CEP112: variants seen among roughly 807,000 people sequenced by gnomAD.
CEP112 encodes centrosomal protein 112.
Under a neutral mutation model 153.0 loss-of-function variants are expected in CEP112, and 127 were observed. The ratio of observed to expected loss-of-function variants is 0.83; its 90% CI spans 0.72 to 0.96. The LOEUF is 0.96. CEP112 is among the 40% of genes least tolerant of loss of function. The probability of loss-of-function intolerance (pLI) is 0.00; values close to 1 mark genes in which losing one functional copy is unlikely to be tolerated. For missense variants in CEP112, 1,089 were observed against 1,101.2 expected (o/e 0.99, Z 0.16); for synonymous variants, 358 against 374.4 (o/e 0.96, Z 0.51).
intron 4 of CEP112, among the ~76,000 whole-genome samples, chr17:66,143,775 A>G (rs2070804695): frequency 6.6e-6 from 1 of 152,232 alleles, no homozygotes; most frequent in Admixed American, 6.5e-5. Flanking sequence ...AACATAGCTC[A>G]GAGGGAAGAG....
intron 5 of CEP112, among the ~76,000 whole-genome samples, chr17:66,132,356 C>G (rs1324173676): frequency 6.6e-6 from 1 of 151,992 alleles, no homozygotes; most frequent in Admixed American, 6.6e-5. Flanking sequence ...CCAGCTTCTT[C>G]TTAATTTTAT....
chr17:66,143,852 A>G (rs964214850), intron 4 of CEP112, among the ~76,000 whole-genome samples: 2 of 152,230 alleles, frequency 1.3e-5, no homozygotes, highest in Non-Finnish European at 2.9e-5. Context: ...ACTAAGACCT[A>G]TCATGAAACG....
At chr17:65,756,263 G>A (rs934252182) in intron 21 of CEP112, among the ~76,000 whole-genome samples, 9 of 151,920 alleles carry the variant, frequency 5.9e-5, no homozygotes, top group Non-Finnish European at 1.2e-4. Flanking sequence ...AAAATTAGCT[G>A]GGCGTGGTGG....
intron 16 of CEP112, among the ~76,000 whole-genome samples, chr17:66,014,708 G>C (rs2145557653): frequency 6.6e-6 from 1 of 152,246 alleles, no homozygotes; most frequent in East Asian, 1.9e-4. Context: ...GAGACATTAG[G>C]AGCCAGGAAG....
intron 17 of CEP112, among the ~76,000 whole-genome samples, chr17:65,965,394 G>A (rs947971949): frequency 1.3e-5 from 2 of 152,004 alleles, no homozygotes; most frequent in African/African-American, 4.8e-5. Flanking sequence ...CATACTGTCT[G>A]AACTAATCTA....
At chr17:65,653,187 C>T (rs2045876218) in intron 24 of CEP112, among the ~76,000 whole-genome samples, 1 of 152,176 alleles carries the variant, frequency 6.6e-6, no homozygotes, top group Admixed American at 6.5e-5. Flanking sequence ...CATTGTATAG[C>T]AGTGTGCATA....
intron 19 of CEP112, among the ~76,000 whole-genome samples, chr17:65,905,318 G>A (rs895732913): frequency 1.3e-5 from 2 of 152,122 alleles, no homozygotes; most frequent in Non-Finnish European, 2.9e-5. Flanking sequence ...CTCAAAAAAA[G>A]CCATTTATGC....
At chr17:65,770,931 A>AAAC in intron 21 of CEP112, among the ~76,000 whole-genome samples, 2 of 149,330 alleles carry the variant, frequency 1.3e-5, no homozygotes, top group South Asian at 4.2e-4. Flanking sequence ...TCCGTCTTAA[A>AAAC]AAAAAAAAAA....
intron 21 of CEP112, among the ~76,000 whole-genome samples, chr17:65,845,702 T>C (rs2057703511): frequency 6.6e-6 from 1 of 152,228 alleles, no homozygotes; most frequent in Admixed American, 6.5e-5. Context: ...CACACTATCA[T>C]CACTTAGTAA....
intron 24 of CEP112, among the ~76,000 whole-genome samples, chr17:65,676,956 GA>G: frequency 6.6e-6 from 1 of 152,226 alleles, no homozygotes; most frequent in East Asian, 1.9e-4. Flanking sequence ...CCACCCCTTG[GA>G]TTATCAACCC....
At chr17:65,838,520 TTA>T (rs1191702604) in intron 21 of CEP112, among the ~76,000 whole-genome samples, 1 of 152,032 alleles carries the variant, frequency 6.6e-6, no homozygotes, top group Non-Finnish European at 1.5e-5. Flanking sequence ...AGAGGGAATT[TTA>T]TAACAATAAA....
At chr17:65,806,103 T>A (rs1427673399) in intron 21 of CEP112, among the ~76,000 whole-genome samples, 1 of 152,220 alleles carries the variant, frequency 6.6e-6, no homozygotes, top group African/African-American at 2.4e-5. Context: ...ATCTTTCCAG[T>A]CTCAATTAGG....
At chr17:65,676,808 T>C (rs922676592) in intron 24 of CEP112, among the ~76,000 whole-genome samples, 10 of 152,358 alleles carry the variant, frequency 6.6e-5, no homozygotes, top group African/African-American at 2.2e-4. Context: ...ATATGCTGAA[T>C]GGAGCAGTTG....
intron 24 of CEP112, among the ~76,000 whole-genome samples, chr17:65,650,746 A>T (rs973018584): frequency 6.6e-6 from 1 of 150,872 alleles, no homozygotes; most frequent in Non-Finnish European, 1.5e-5. Context: ...AAAAAAAAAA[A>T]AAAAAAAAAA....
chr17:66,086,440 G>T (rs2067938506), intron 8 of CEP112, among the ~76,000 whole-genome samples: 1 of 126,718 alleles, frequency 7.9e-6, no homozygotes, highest in Non-Finnish European at 1.6e-5. Context: ...GTCTTGTGCT[G>T]TCACCCAGGC....
At chr17:66,080,226 T>C (rs910392038) in intron 8 of CEP112, among the ~76,000 whole-genome samples, 6 of 152,034 alleles carry the variant, frequency 3.9e-5, no homozygotes, top group African/African-American at 1.4e-4. Context: ...ACAGGCAACC[T>C]ACAGAAGGGC....
intron 17 of CEP112, among the ~76,000 whole-genome samples, chr17:65,971,412 T>TGCC (rs2062794181): frequency 4.0e-5 from 2 of 49,436 alleles, no homozygotes; most frequent in African/African-American, 1.2e-4. Context: ...ATTGCACCCA[T>TGCC]GCAGCATGCT....
At chr17:66,119,029 A>G (rs1230097572) in intron 6 of CEP112, among the ~76,000 whole-genome samples, 1 of 152,168 alleles carries the variant, frequency 6.6e-6, no homozygotes, top group Non-Finnish European at 1.5e-5. Context: ...AAGAAAAAAG[A>G]TTATGTCTTT....
intron 19 of CEP112, among the ~76,000 whole-genome samples, chr17:65,920,359 C>CAAAAAAAAAAAAAA (rs1555713306): frequency 6.7e-5 from 2 of 29,838 alleles, no homozygotes; most frequent in African/African-American, 2.6e-4. Flanking sequence ...AACAAACAAA[C>CAAAAAAAAAAAAAA]AAAATATATA....
Sources: allele counts gnomAD v4.1 joint callset (sites outside exome capture counted in the v4.1 genomes callset), GRCh38; gene constraint gnomAD v4.1.1; transcripts MANE v1.5; gene names NCBI Gene and HGNC (gene_info 2026-07-23, HGNC 2026-07-21).